Variants in RFTN1 observed in about 807,000 individuals in gnomAD.
RFTN1 encodes raftlin, lipid raft linker 1, also known as raftlin.
RFTN1 carries 26 observed loss-of-function variants against 46.5 expected under a neutral mutation model. The observed-to-expected ratio is 0.56, with a 90% CI of 0.41 to 0.78. The LOEUF is 0.78. Among genes scored for constraint, RFTN1 ranks in the 30% least tolerant of loss-of-function variants. RFTN1 has a pLI of 0.00. For missense variants in RFTN1, 693 were observed against 718.7 expected (o/e 0.96, Z 0.41); for synonymous variants, 261 against 284.2 (o/e 0.92, Z 0.82).
intron 6 of RFTN1, among the ~76,000 whole-genome samples, chr3:16,359,956 T>G (rs2125337204): frequency 6.6e-6 from 1 of 152,248 alleles, no homozygotes; most frequent in South Asian, 2.1e-4. Flanking sequence ...ATCTTTAGCT[T>G]TGGCTCCCAA....
chr3:16,488,470 C>T (rs909485912), intron 2 of RFTN1, among the ~76,000 whole-genome samples: 13 of 152,184 alleles, frequency 8.5e-5, no homozygotes, highest in Non-Finnish European at 1.3e-4. Flanking sequence ...GGGCCAATAC[C>T]TCCCTGACTT....
At chr3:16,398,020 G>A (rs842491) in intron 4 of RFTN1, among the ~76,000 whole-genome samples, 48,029 of 151,828 alleles carry the variant, frequency 0.32, 9,931 homozygotes, top group African/African-American at 0.59. Flanking sequence ...GCTGAGGCAG[G>A]TGGATCTCGA....
At chr3:16,419,584 G>T (rs975715514) in intron 3 of RFTN1, among the ~76,000 whole-genome samples, 40 of 152,102 alleles carry the variant, frequency 2.6e-4, no homozygotes, top group African/African-American at 8.2e-4. Context: ...TAGGGAAAAG[G>T]TTTCCCATAA....
intron 1 of RFTN1, among the ~76,000 whole-genome samples, chr3:16,495,483 C>T (rs1340152119): frequency 1.3e-5 from 2 of 152,352 alleles, no homozygotes; most frequent in Non-Finnish European, 2.9e-5. Flanking sequence ...TCTTTGCCCT[C>T]AAGGAGGTTA....
In RFTN1 at chr3:16,387,265, C is replaced by T. The variant is rs1465174239; in HGVS notation, c.442-9163G>A. On this transcript the variant is annotated intron_variant, in intron 4 of 9. Coordinates refer to ENST00000334133, the MANE Select transcript of RFTN1 (RefSeq NM_015150.2). This position sits in a 1 kb window ranked among gnomAD's most constrained non-coding sequence, Gnocchi z 5.2. ...GTCTCCCGCCAAGGCTGAGGCCACA[C>T]GGCCACCCTGCAGTGGCTCCCTTCC... Among the ~76,000 whole-genome samples the T allele has an allele frequency of 6.6e-6, 1 of 152,226 alleles. No homozygotes were observed. Among genetic ancestry groups the T allele is most frequent in the African/African-American group, 2.4e-5 (1 of 41,460 alleles).
intron 7 of RFTN1, among the ~76,000 whole-genome samples, chr3:16,343,052 C>T (rs1198741333): frequency 2.6e-5 from 4 of 152,154 alleles, no homozygotes; most frequent in African/African-American, 9.6e-5. Flanking sequence ...ACTATGTTGC[C>T]CAGGCTGGTT....
chr3:16,340,842 A>G (rs1486725469), intron 7 of RFTN1, among the ~76,000 whole-genome samples: 1 of 152,238 alleles, frequency 6.6e-6, no homozygotes, highest in Non-Finnish European at 1.5e-5. Context: ...AGTTTCAAAA[A>G]GTAAGGCCCT....
Position 16,481,320 on chromosome 3 carries a change from T to A in RFTN1, c.145+12405A>T, listed in dbSNP as rs545192416. Among the ~76,000 whole-genome samples the A allele has an allele frequency of 2.0e-5, 3 of 152,200 alleles. No homozygotes were observed. Among genetic ancestry groups the A allele is most frequent in the Non-Finnish European group, 4.4e-5 (3 of 68,044 alleles). On this transcript the variant is annotated intron_variant, in intron 2 of 9. Transcript: ENST00000334133. The surrounding 1 kb of genome is among the most constrained non-coding windows in gnomAD (Gnocchi z 5.1). ...AGCTACGTCACACATATTATCTCAT[T>A]TATCTTTTGAAAATCTCTTCAAACT...
Position 16,341,463 on chromosome 3 carries a change from C to T in RFTN1, c.1147-14587G>A, listed in dbSNP as rs1455464881. 6.6e-6 allele frequency among the ~76,000 whole-genome samples: 1 copy of T among 152,132 alleles called. No individual in the cohort carries two copies. The highest frequency in any genetic ancestry group is 1.5e-5 in the Non-Finnish European group (1 of 68,028). ...TGGAACCATACAATGAAATATTATCCAGCACTAAAAAGCAATGAGCTCTCA... is the reference window on the plus strand; with the variant it reads ...TGGAACCATACAATGAAATATTATCTAGCACTAAAAAGCAATGAGCTCTCA... On this transcript the variant is annotated intron_variant, in intron 7 of 9. Coordinates refer to ENST00000334133, the MANE Select transcript of RFTN1 (RefSeq NM_015150.2). This position sits in a 1 kb window ranked among gnomAD's most constrained non-coding sequence, Gnocchi z 4.7.
chr3:16,441,299 TA>T (rs59877269), intron 2 of RFTN1, among the ~76,000 whole-genome samples: 7,685 of 47,592 alleles, frequency 0.16, 359 homozygotes, highest in East Asian at 0.35. Flanking sequence ...TTCCAAGAAC[TA>T]AAAAAAAAAA....
At position 16,383,450 on chromosome 3, in the gene RFTN1, CATG is replaced by C. The variant is rs928836529; in HGVS notation, c.442-5351_442-5349del. 7.9e-5 allele frequency among the ~76,000 whole-genome samples: 12 copies of C among 152,124 alleles called. No individual in the cohort carries two copies. The highest frequency in any genetic ancestry group is 2.9e-4 in the African/African-American group (12 of 41,496). ...CTCCACTGTAACTATAATCAGGAATCATGATGTGAAAAATATTTCTTTTTAAAA... is the reference window on the plus strand; with the variant it reads ...CTCCACTGTAACTATAATCAGGAATCATGTGAAAAATATTTCTTTTTAAAA... On this transcript the variant is annotated intron_variant, in intron 4 of 9. Transcript: ENST00000334133. This position sits in a 1 kb window ranked among gnomAD's most constrained non-coding sequence, Gnocchi z 4.0.
chr3:16,454,400 G>A (rs1227941617), intron 2 of RFTN1, among the ~76,000 whole-genome samples: 1 of 152,106 alleles, frequency 6.6e-6, no homozygotes, highest in Non-Finnish European at 1.5e-5. Context: ...AGGAATGCAG[G>A]TCCCAGGCTA....
At chr3:16,471,685 T>C (rs556532408) in intron 2 of RFTN1, among the ~76,000 whole-genome samples, 8 of 152,092 alleles carry the variant, frequency 5.3e-5, no homozygotes, top group Admixed American at 2.6e-4. Context: ...TATAAATTGG[T>C]TATCCCAAGT....
chr3:16,511,250 C>T (rs1029776657), intron 1 of RFTN1, among the ~76,000 whole-genome samples: 2 of 152,190 alleles, frequency 1.3e-5, no homozygotes, highest in Non-Finnish European at 2.9e-5. Context: ...TGGTACTTTC[C>T]ATCTTTGCAC....
rs966673436 is a variant in RFTN1, at chr3:16,509,873, C to G, written c.-9+3569G>C. On this transcript the variant is annotated intron_variant, in intron 1 of 9. Coordinates refer to ENST00000334133, the MANE Select transcript of RFTN1 (RefSeq NM_015150.2). The surrounding 1 kb of genome is among the most constrained non-coding windows in gnomAD (Gnocchi z 4.9). Reference sequence around the variant, plus strand: ...GAGGGAACAGTCCCCAAACACAGTGCAATGTCTCAAGACTGAGCTGTCTGC... The same window carrying G: ...GAGGGAACAGTCCCCAAACACAGTGGAATGTCTCAAGACTGAGCTGTCTGC... Among the ~76,000 whole-genome samples, 1 of 152,190 alleles carries G rather than the reference C, an allele frequency of 6.6e-6. No homozygotes were observed. Among genetic ancestry groups the G allele is most frequent in the African/African-American group, 2.4e-5 (1 of 41,440 alleles).
At chr3:16,438,885 A>G (rs2075568067) in intron 2 of RFTN1, among the ~76,000 whole-genome samples, 1 of 152,182 alleles carries the variant, frequency 6.6e-6, no homozygotes, top group Non-Finnish European at 1.5e-5. Context: ...ATCCTTCCCC[A>G]TTCCCACCCA....
intron 7 of RFTN1, among the ~76,000 whole-genome samples, chr3:16,355,813 C>CA (rs994628174): frequency 1.3e-5 from 2 of 152,212 alleles, no homozygotes; most frequent in Non-Finnish European, 2.9e-5. Context: ...GTCCTGCAGT[C>CA]ACATTAATTT....
intron 2 of RFTN1, chr3:16,434,613 G>A (rs1316409785): frequency 5.3e-5 from 8 of 151,734 alleles, no homozygotes; most frequent in Admixed American, 3.9e-4. Context: ...CGTCTTATCA[G>A]TGATCACAAT....
intron 2 of RFTN1, among the ~76,000 whole-genome samples, chr3:16,437,546 G>A (rs1463226188): frequency 5.3e-5 from 8 of 152,074 alleles, no homozygotes. Context: ...TGTAGTGCCA[G>A]CTACTAGGGA....
Sources: allele counts gnomAD v4.1 joint callset (sites outside exome capture counted in the v4.1 genomes callset), GRCh38; gene constraint gnomAD v4.1.1; non-coding constraint Gnocchi (gnomAD v3.1); transcripts MANE v1.5; gene names NCBI Gene and HGNC (gene_info 2026-07-23, HGNC 2026-07-21).